NALF1: variants seen among roughly 807,000 people sequenced by gnomAD.
NALF1 encodes NALCN channel auxiliary factor 1.
A neutral mutation model predicts 48.4 loss-of-function variants in NALF1; 3 were observed. The ratio of observed to expected loss-of-function variants is 0.06; its 90% CI spans 0.03 to 0.16. The LOEUF (loss-of-function observed/expected upper bound fraction) is 0.16. Ranked by LOEUF, NALF1 falls within the 10% of genes least tolerant of loss-of-function variation. NALF1 has a pLI of 1.00. For synonymous variants in NALF1, 262 were observed against 245.7 expected, an observed-to-expected ratio of 1.07 and a Z score of -0.62; for missense variants, 526 against 571.5, an observed-to-expected ratio of 0.92 and a Z score of 0.81.
At chr13:107,270,086 T>C (rs1055129274) in intron 1 of NALF1, among the ~76,000 whole-genome samples, 1 of 152,058 alleles carries the variant, frequency 6.6e-6, no homozygotes, top group Non-Finnish European at 1.5e-5. Context: ...ATGTTTCTTA[T>C]AACATCACTT....
At chr13:107,757,478 C>T (rs187609485) in intron 1 of NALF1, among the ~76,000 whole-genome samples, 77 of 137,486 alleles carry the variant, frequency 5.6e-4, no homozygotes, top group African/African-American at 1.4e-3. Context: ...TGATAAGGGG[C>T]TAGAAATCTA....
intron 1 of NALF1, among the ~76,000 whole-genome samples, chr13:107,329,985 C>T (rs6492049): frequency 6.6e-6 from 1 of 151,948 alleles, no homozygotes; most frequent in African/African-American, 2.4e-5. Context: ...GTGAGGTGTG[C>T]GAATGAAACA....
chr13:107,316,637 T>C (rs1158907525), intron 1 of NALF1, among the ~76,000 whole-genome samples: 1 of 152,208 alleles, frequency 6.6e-6, no homozygotes, highest in Non-Finnish European at 1.5e-5. Flanking sequence ...TTTGCATTTC[T>C]CTGATGGCCA....
At chr13:107,201,157 T>C (rs1467506224) in intron 2 of NALF1, among the ~76,000 whole-genome samples, 2 of 147,178 alleles carry the variant, frequency 1.4e-5, no homozygotes, top group Admixed American at 1.3e-4. Context: ...TCTATCTATC[T>C]ATCTATCTAT....
intron 1 of NALF1, among the ~76,000 whole-genome samples, chr13:107,827,896 T>C (rs1308660010): frequency 6.6e-6 from 1 of 152,182 alleles, no homozygotes; most frequent in Non-Finnish European, 1.5e-5. Flanking sequence ...AAAACATGTC[T>C]TCTAGCACAA....
rs117815239 is a variant in NALF1 at position 107,713,195 on chromosome 13, A to G, written c.915+152487T>C. Among the ~76,000 whole-genome samples the G allele has an allele frequency of 4.2e-3, 642 of 152,284 alleles. 3 individuals carry two copies. Among genetic ancestry groups the G allele is most frequent in the Middle Eastern group, 6.8e-3 (2 of 294 alleles). ...CTTTTAGTTTAATTATGTTCTTCTA[A>G]GCCCCCTCTCCCTTCAGTAAGTAGA... On this transcript the variant is annotated intron_variant, in intron 1 of 2. Transcript: ENST00000375915.
intron 1 of NALF1, among the ~76,000 whole-genome samples, chr13:107,389,649 G>C (rs987075481): frequency 2.6e-5 from 4 of 152,036 alleles, no homozygotes; most frequent in African/African-American, 9.7e-5. Flanking sequence ...TTTAGCTATT[G>C]ATTACTTCAT....
intron 1 of NALF1, among the ~76,000 whole-genome samples, chr13:107,640,262 A>G (rs1419017243): frequency 6.6e-6 from 1 of 152,200 alleles, no homozygotes; most frequent in Non-Finnish European, 1.5e-5. Context: ...AGAGGAACAA[A>G]ATAAAAATTA....
At chr13:107,255,495 C>A (rs1022325818) in intron 1 of NALF1, among the ~76,000 whole-genome samples, 3 of 152,100 alleles carry the variant, frequency 2.0e-5, no homozygotes, top group Non-Finnish European at 4.4e-5. Flanking sequence ...ACATTCACAA[C>A]CTTGTTGAGT....
chr13:107,667,515 T>C (rs896407037), intron 1 of NALF1, among the ~76,000 whole-genome samples: 1 of 152,128 alleles, frequency 6.6e-6, no homozygotes, highest in African/African-American at 2.4e-5. Context: ...GGTTTAGGCC[T>C]CATTTTCCTC....
chr13:107,740,474 A>C (rs1312151352), intron 1 of NALF1, among the ~76,000 whole-genome samples: 3 of 152,198 alleles, frequency 2.0e-5, no homozygotes, highest in Non-Finnish European at 4.4e-5. Flanking sequence ...GAAATACTTA[A>C]AATCAACTAA....
rs192030976 is a variant in NALF1 at position 107,787,523 on chromosome 13, A to G, written c.915+78159T>C. 2.0e-3 allele frequency among the ~76,000 whole-genome samples: 299 copies of G among 152,350 alleles called. 5 individuals carry two copies. Among genetic ancestry groups the G allele is most frequent in the African/African-American group, 7.0e-3 (293 of 41,592 alleles). The stretch of plus-strand genomic sequence containing the variant: ...AATCAATGACACCAAACCTGTTGTT[A>G]CGTGGGTCACGGTAAAGCAATTAAT... On this transcript the variant is annotated intron_variant, in intron 1 of 2. Coordinates refer to ENST00000375915, the MANE Select transcript of NALF1 (RefSeq NM_001080396.3).
At chr13:107,267,601 C>T (rs1463568373) in intron 1 of NALF1, among the ~76,000 whole-genome samples, 4 of 152,158 alleles carry the variant, frequency 2.6e-5, no homozygotes, top group Non-Finnish European at 5.9e-5. Flanking sequence ...CAGTGGATGC[C>T]TGAAACCACA....
intron 1 of NALF1, among the ~76,000 whole-genome samples, chr13:107,325,930 T>C (rs1882355062): frequency 7.1e-6 from 1 of 140,846 alleles, no homozygotes; most frequent in African/African-American, 2.6e-5. Flanking sequence ...ATCACACATA[T>C]ATACAACACA....
chr13:107,840,325 TGCAA>T (rs1342963904), intron 1 of NALF1, among the ~76,000 whole-genome samples: 2 of 152,212 alleles, frequency 1.3e-5, no homozygotes, highest in African/African-American at 2.4e-5. Context: ...AAATAGTGGC[TGCAA>T]GCAAACAGTT....
intron 1 of NALF1, among the ~76,000 whole-genome samples, chr13:107,457,382 T>C (rs1224104499): frequency 2.6e-5 from 4 of 152,120 alleles, no homozygotes; most frequent in Non-Finnish European, 4.4e-5. Context: ...ATTGGCCTCA[T>C]AGGTAATATT....
At chr13:107,321,395 T>C (rs1276225563) in intron 1 of NALF1, among the ~76,000 whole-genome samples, 1 of 152,150 alleles carries the variant, frequency 6.6e-6, no homozygotes, top group East Asian at 1.9e-4. Context: ...TGTGCAATTT[T>C]CCCTGCTAGA....
intron 1 of NALF1, among the ~76,000 whole-genome samples, chr13:107,370,550 T>G (rs1385099513): frequency 6.6e-6 from 1 of 152,178 alleles, no homozygotes; most frequent in Non-Finnish European, 1.5e-5. Context: ...TGCAGATAGA[T>G]CCAAAAGTAA....
In NALF1 at chr13:107,362,630, T is replaced by C. The variant is rs1247897143; in HGVS notation, c.916-151875A>G. The stretch of plus-strand genomic sequence containing the variant: ...CTTAATCATCTGTGAAGGCCTTATT[T>C]CCAAATAAGGTCACATTAACAGATT... On this transcript the variant is annotated intron_variant, in intron 1 of 2. Coordinates refer to ENST00000375915, the MANE Select transcript of NALF1 (RefSeq NM_001080396.3). The surrounding 1 kb of genome is among the most constrained non-coding windows in gnomAD (Gnocchi z 4.6). Among the ~76,000 whole-genome samples the C allele has an allele frequency of 6.6e-6, 1 of 152,126 alleles. No individual in the cohort carries two copies. Among genetic ancestry groups the C allele is most frequent in the African/African-American group, 2.4e-5 (1 of 41,420 alleles).
Sources: allele counts gnomAD v4.1 joint callset (sites outside exome capture counted in the v4.1 genomes callset), GRCh38; gene constraint gnomAD v4.1.1; non-coding constraint Gnocchi (gnomAD v3.1); transcripts MANE v1.5; gene names NCBI Gene and HGNC (gene_info 2026-07-23, HGNC 2026-07-21).